Variants in SARDH observed in about 807,000 individuals in gnomAD.
SARDH encodes the protein sarcosine dehydrogenase.
In SARDH, 95 loss-of-function variants were observed where a neutral mutation model predicts 109.1. That is an observed-to-expected ratio of 0.87 (90% CI 0.74 to 1.03). SARDH has a LOEUF of 1.03. SARDH is among the 50% of genes least tolerant of loss of function. The probability of loss-of-function intolerance (pLI) is 0.00; values close to 1 mark genes in which losing one functional copy is unlikely to be tolerated. For synonymous variants in SARDH, 572 were observed against 534.8 expected (o/e 1.07, Z -0.96); for missense variants, 1,267 against 1,287.8 (o/e 0.98, Z 0.25).
intron 19 of SARDH, chr9:133,667,199 T>TG (rs1223038142): frequency 3.7e-6 from 1 of 267,848 alleles, no homozygotes; most frequent in Non-Finnish European, 6.9e-6. Flanking sequence ...CTCTGGTTTT[T>TG]TTTTTTTTTT....
At chr9:133,670,283 T>C (rs2797846) in intron 19 of SARDH, among the ~76,000 whole-genome samples, 85,433 of 148,684 alleles carry the variant, frequency 0.57, 25,186 homozygotes, top group East Asian at 0.78. Context: ...GAGCCGAGAT[T>C]GCGCCACTGC....
downstream of SARDH, among the ~76,000 whole-genome samples, chr9:133,660,263 T>A (rs1282929674): frequency 1.3e-5 from 2 of 152,104 alleles, no homozygotes; most frequent in Non-Finnish European, 2.9e-5. Context: ...TGAAGCCATG[T>A]AGTTTCTGTT....
rs188167418 is a variant in SARDH, at chr9:133,685,446, G to A, written c.2070-160C>T. ...TAAAAATACACCAAGACAGATGTAC[G>A]TTCCAAATATACATAAGACAGCCAC... On this transcript the variant is annotated intron_variant, in intron 16 of 20. Transcript: ENST00000439388. Among the ~76,000 whole-genome samples the A allele has an allele frequency of 1.4e-3, 214 of 152,350 alleles. 1 individual carries two copies. The highest frequency in any genetic ancestry group is 3.1e-3 in the South Asian group (15 of 4,826).
rs1437066491 is a variant in SARDH, at chr9:133,668,318, AC to A, written c.2496-1449del. Among the ~76,000 whole-genome samples the A allele has an allele frequency of 5.8e-3, 105 of 17,950 alleles. 1 individual carries two copies. Among genetic ancestry groups the A allele is most frequent in the East Asian group, 0.037 (24 of 656 alleles). 11.8% of individuals were successfully genotyped at this position (17,950 alleles called of 152,430 possible). On this transcript the variant is annotated intron_variant, in intron 19 of 20. Coordinates refer to ENST00000439388, the MANE Select transcript of SARDH (RefSeq NM_001134707.2). ...CCCTCCCTCTCCCTCCCTCTCCCCC[AC>A]CCTCCCTCTCCCTCTCCCTCATTCT...
chr9:133,670,862 C>T (rs1344440214), intron 18 of SARDH, 110 bp from the exon 19 acceptor site: 11 of 1,382,782 alleles, frequency 8.0e-6, no homozygotes, highest in Non-Finnish European at 1.0e-5. Context: ...TAGCCACACT[C>T]TCAGAGCTGC....
At chr9:133,664,081 T>C in intron 20 of SARDH, 67 bp from the exon 21 acceptor site, 1 of 1,570,626 alleles carries the variant, frequency 6.4e-7, no homozygotes, top group South Asian at 1.2e-5. Context: ...TCTGCCTGCT[T>C]CTCTGGAGGA....
downstream of SARDH, among the ~76,000 whole-genome samples, chr9:133,662,996 G>A (rs552516532): frequency 9.8e-5 from 15 of 152,340 alleles, no homozygotes; most frequent in East Asian, 2.7e-3. This position sits in a 1 kb window ranked among gnomAD's most constrained non-coding sequence, Gnocchi z 5.1. Flanking sequence ...CCCATCTCAA[G>A]GCAGCGTGCA....
intron 17 of SARDH, among the ~76,000 whole-genome samples, chr9:133,675,970 G>C (rs893098304): frequency 6.6e-6 from 1 of 152,054 alleles, no homozygotes; most frequent in Non-Finnish European, 1.5e-5. Context: ...GCATGTGCCT[G>C]TAGTCCCAGC....
rs35218200 is a variant in SARDH, at chr9:133,717,360, C to A, written c.1116G>T (p.Glu372Asp). The A allele has an allele frequency of 0.022, 35,008 of 1,614,140 alleles. 481 individuals carry two copies. The highest frequency in any genetic ancestry group is 0.042 in the South Asian group (3,850 of 91,084). ...AGACCGTGGACTTGATTCCTGTCTT[C>A]TCCAGCACGGGGACCCTGTTGATGG... Reference protein sequence around the residue: ...EGAINRVPVLEKTGIKSTVCG... With the variant: ...EGAINRVPVLDKTGIKSTVCG... The change falls in exon 8 of 21, where the codon GAG (glutamate) becomes GAT (aspartate). Residue 372 changes from glutamate (E) to aspartate (D), a missense_variant. Coordinates refer to ENST00000439388, the MANE Select transcript of SARDH (RefSeq NM_001134707.2).
At chr9:133,660,995 G>C (rs1007027482), downstream of SARDH, among the ~76,000 whole-genome samples, 1 of 152,128 alleles carries the variant, frequency 6.6e-6, no homozygotes, top group Non-Finnish European at 1.5e-5. Flanking sequence ...TTGAGCCCAG[G>C]AGTTCAAGAC....
chr9:133,685,209 CT>C lies in SARDH; in HGVS notation c.2146del (p.Arg716GlufsTer36). 6.2e-7 allele frequency: 1 copy of C among 1,613,934 alleles called. No homozygotes were observed. Among genetic ancestry groups the C allele is most frequent in the Middle Eastern group, 1.7e-4 (1 of 6,058 alleles). ...GGAACCTACCAGGTGCCCTGCGGCT[CT>C]CAGTAGCTTGTGGGTGGAGAACGGG... ...AFPFSTHKLLRAAGHLVRAMR... is the reference protein window; with the variant it reads ...AFPFSTHKLLXAAGHLVRAMR... On this transcript the variant is annotated frameshift_variant, in exon 17 of 21. Coordinates refer to ENST00000439388, the MANE Select transcript of SARDH (RefSeq NM_001134707.2). LOFTEE classifies it high-confidence loss of function.
chr9:133,661,211 C>T (rs972741887), downstream of SARDH, among the ~76,000 whole-genome samples: 1 of 151,822 alleles, frequency 6.6e-6, no homozygotes, highest in African/African-American at 2.4e-5. Flanking sequence ...TGTGGTGGTG[C>T]GCGTTTGTAA....
rs756805256 is a variant in SARDH, at chr9:133,713,090, C to T, written c.1185G>A (p.Gly395=). The change falls in exon 9 of 21, where the codon GGG becomes GGA. Residue 395 remains glycine (G), a synonymous_variant. Transcript: ENST00000439388. The stretch of plus-strand genomic sequence containing the variant: ...AGAACCCTCGGAGCTCAGGTGCCTC[C>T]CCCATCAGGGGCTTGTGGTCGGGCG... ...SFTPDHKPLM[G]EAPELRGFFL... is the part of the protein sequence containing the mutation. 6.2e-7 allele frequency: 1 copy of T among 1,613,478 alleles called. No homozygotes were observed. The highest frequency in any genetic ancestry group is 8.5e-7 in the Non-Finnish European group (1 of 1,179,960).
chr9:133,665,446 C>A (rs1473971677), intron 20 of SARDH, among the ~76,000 whole-genome samples: 1 of 152,186 alleles, frequency 6.6e-6, no homozygotes, highest in Non-Finnish European at 1.5e-5. Context: ...CATCACAATC[C>A]CCACATATTA....
upstream of SARDH, among the ~76,000 whole-genome samples, chr9:133,738,983 C>T (rs1053582011): frequency 6.6e-6 from 1 of 152,340 alleles, no homozygotes; most frequent in South Asian, 2.1e-4. Context: ...ATTCCAGCCT[C>T]CATTGACTGT....
At chr9:133,719,321 G>C (rs1832240038) in intron 6 of SARDH, among the ~76,000 whole-genome samples, 1 of 152,224 alleles carries the variant, frequency 6.6e-6, no homozygotes, top group African/African-American at 2.4e-5. Context: ...AAGGGAGGAA[G>C]GGAGGGAAGC....
Position 133,692,706 on chromosome 9 carries a change from A to G in SARDH, c.1921+1552T>C, listed in dbSNP as rs1162754918. Among the ~76,000 whole-genome samples, 1 of 151,524 alleles carries G rather than the reference A, an allele frequency of 6.6e-6. No individual in the cohort carries two copies. The highest frequency in any genetic ancestry group is 1.5e-5 in the Non-Finnish European group (1 of 67,856). On this transcript the variant is annotated intron_variant, in intron 15 of 20. Transcript: ENST00000439388. The surrounding 1 kb of genome is among the most constrained non-coding windows in gnomAD (Gnocchi z 5.0). ...CCCTGAAGCCCCACCGGCCTCCTTC[A>G]CCTCCTCCCGACCCTGGCTACCTGG...
intron 17 of SARDH, among the ~76,000 whole-genome samples, chr9:133,672,114 C>A (rs554008114): frequency 6.6e-6 from 1 of 152,358 alleles, no homozygotes; most frequent in East Asian, 1.9e-4. Flanking sequence ...GGAGACGACC[C>A]TTCCACTCTC....
intron 14 of SARDH, 84 bp downstream of exon 14, chr9:133,696,139 A>G: frequency 6.4e-7 from 1 of 1,554,184 alleles, no homozygotes. Flanking sequence ...CCGAGGGGAC[A>G]GGGTGGCTTG....
Sources: allele counts gnomAD v4.1 joint callset (sites outside exome capture counted in the v4.1 genomes callset), GRCh38; gene constraint gnomAD v4.1.1; non-coding constraint Gnocchi (gnomAD v3.1); transcripts MANE v1.5; gene names NCBI Gene and HGNC (gene_info 2026-07-23, HGNC 2026-07-21).